The following FAM117B variants were observed in gnomAD, a reference collection of about 807,000 sequenced individuals.
FAM117B encodes family with sequence similarity 117 member B.
A neutral mutation model predicts 52.8 loss-of-function variants in FAM117B; 22 were observed. That is an observed-to-expected ratio of 0.42 (90% CI 0.30 to 0.59). FAM117B has a LOEUF of 0.59. FAM117B is among the 20% of genes least tolerant of loss of function. FAM117B has a pLI of 0.22. For missense variants in FAM117B, 678 were observed against 802.6 expected, an observed-to-expected ratio of 0.84 and a Z score of 1.88; for synonymous variants, 309 against 324.1, an observed-to-expected ratio of 0.95 and a Z score of 0.50.
intron 4 of FAM117B, among the ~76,000 whole-genome samples, chr2:202,740,436 T>G (rs192535169): frequency 1.3e-5 from 2 of 152,050 alleles, no homozygotes; most frequent in East Asian, 3.9e-4. Flanking sequence ...AATATGGCAC[T>G]TTTTAATATA....
At chr2:202,739,634 T>A (rs1691494074) in intron 4 of FAM117B, among the ~76,000 whole-genome samples, 1 of 152,012 alleles carries the variant, frequency 6.6e-6, no homozygotes, top group South Asian at 2.1e-4. Context: ...ATTTAAAATT[T>A]TTTATAGAGA....
chr2:202,638,917 T>TG (rs1689725863), intron 1 of FAM117B, among the ~76,000 whole-genome samples: 1 of 152,242 alleles, frequency 6.6e-6, no homozygotes, highest in African/African-American at 2.4e-5. Flanking sequence ...TTCACTCTAG[T>TG]AAATATCCAT....
At position 202,657,751 on chromosome 2, in the gene FAM117B, T is replaced by G. The variant is rs370192449; in HGVS notation, c.601+21963T>G. On this transcript the variant is annotated intron_variant, in intron 1 of 7. Coordinates refer to ENST00000392238, the MANE Select transcript of FAM117B (RefSeq NM_173511.4). Reference sequence around the variant, plus strand: ...CTCCTGCCTTGGCCTCTCAAAGTACTGGGATTATAGGTGTAAGCCACCTCA... The same window carrying G: ...CTCCTGCCTTGGCCTCTCAAAGTACGGGGATTATAGGTGTAAGCCACCTCA... 1.4e-4 allele frequency among the ~76,000 whole-genome samples: 22 copies of G among 152,334 alleles called. No homozygotes were observed. In the East Asian group the frequency reaches 1.7e-3, roughly 12 times the overall value.
intron 2 of FAM117B, among the ~76,000 whole-genome samples, chr2:202,721,434 CA>C (rs1253460111): frequency 6.6e-6 from 1 of 151,708 alleles, no homozygotes; most frequent in African/African-American, 2.4e-5. Flanking sequence ...TTTTTTTCAT[CA>C]AAAAATATTT....
intron 4 of FAM117B, among the ~76,000 whole-genome samples, chr2:202,750,664 A>G (rs1182624914): frequency 6.6e-6 from 1 of 152,216 alleles, no homozygotes; most frequent in Non-Finnish European, 1.5e-5. Context: ...TATATGTTCT[A>G]GGCTCTGTGC....
chr2:202,687,200 A>G lies in FAM117B; in HGVS notation c.602-8681A>G, dbSNP rs554390056. ...TGAATGAAGTCAGACACAAAACAGT[A>G]TTATGTGATTACATTTGTATGACAC... is the stretch of plus-strand genomic sequence containing the variant. On this transcript the variant is annotated intron_variant, in intron 1 of 7. Coordinates refer to ENST00000392238, the MANE Select transcript of FAM117B (RefSeq NM_173511.4). Among the ~76,000 whole-genome samples the G allele has an allele frequency of 8.4e-4, 128 of 152,366 alleles. 1 individual carries two copies. The highest frequency in any genetic ancestry group is 2.9e-3 in the African/African-American group (122 of 41,596).
chr2:202,753,753 T>TAA lies in FAM117B; in HGVS notation c.961-1773_961-1772dup, dbSNP rs201047413. Among the ~76,000 whole-genome samples, 9 of 135,780 alleles carry TAA rather than the reference T, an allele frequency of 6.6e-5. No individual in the cohort carries two copies. In the South Asian group the frequency reaches 1.1e-3, roughly 17 times the overall value. 89.1% of individuals were successfully genotyped at this position (135,780 alleles called of 152,430 possible). A position where few individuals can be genotyped will look rare whatever the true frequency, so the allele number is the denominator to read the frequency against. On this transcript the variant is annotated intron_variant, in intron 4 of 7. Coordinates refer to ENST00000392238, the MANE Select transcript of FAM117B (RefSeq NM_173511.4). ...GACATTTACACGGCCAACAAACATG[T>TAA]AAAAAAAAAAAAACATGAAAAACTC...
intron 1 of FAM117B, among the ~76,000 whole-genome samples, chr2:202,670,746 G>A (rs1189778056): frequency 2.0e-5 from 3 of 152,084 alleles, no homozygotes; most frequent in Non-Finnish European, 2.9e-5. Flanking sequence ...TTCATTCTGC[G>A]CCCATTTCAG....
At chr2:202,727,804 C>T (rs931523720) in intron 4 of FAM117B, among the ~76,000 whole-genome samples, 1 of 152,058 alleles carries the variant, frequency 6.6e-6, no homozygotes, top group Non-Finnish European at 1.5e-5. Context: ...TACTGTTTGG[C>T]CCTTTACAGA....
chr2:202,750,046 A>G (rs1332895912), intron 4 of FAM117B, among the ~76,000 whole-genome samples: 3 of 152,332 alleles, frequency 2.0e-5, no homozygotes, highest in African/African-American at 7.2e-5. Flanking sequence ...TCTTAAGTGC[A>G]AGATCAAGGT....
chr2:202,680,077 ACAG>A (rs1417441901), intron 1 of FAM117B, among the ~76,000 whole-genome samples: 1 of 152,246 alleles, frequency 6.6e-6, no homozygotes, highest in Non-Finnish European at 1.5e-5. Context: ...ATTGAGGTTA[ACAG>A]CAGACAACAG....
At chr2:202,726,162 T>A in intron 3 of FAM117B, 88 bp from the exon 4 acceptor site, 1 of 812,928 alleles carries the variant, frequency 1.2e-6, no homozygotes, top group Non-Finnish European at 2.0e-6. Context: ...TTATTAAGGG[T>A]AAGTTTTACT....
intron 4 of FAM117B, among the ~76,000 whole-genome samples, chr2:202,752,717 T>A (rs1691744900): frequency 6.6e-6 from 1 of 152,234 alleles, no homozygotes; most frequent in African/African-American, 2.4e-5. Context: ...TCTGGCACAC[T>A]GATGTTACTA....
At chr2:202,701,109 TA>T (rs2105778781) in intron 2 of FAM117B, among the ~76,000 whole-genome samples, 1 of 152,340 alleles carries the variant, frequency 6.6e-6, no homozygotes, top group African/African-American at 2.4e-5. Flanking sequence ...ACTCTCTTGT[TA>T]GGGGCAAATG....
intron 1 of FAM117B, among the ~76,000 whole-genome samples, chr2:202,685,132 G>A (rs1030717805): frequency 6.6e-5 from 10 of 152,032 alleles, no homozygotes; most frequent in Admixed American, 1.3e-4. Flanking sequence ...ACAGGTGCCC[G>A]CTACTATGCC....
chr2:202,707,237 TGCG>T (rs1455065222), intron 2 of FAM117B, among the ~76,000 whole-genome samples: 1 of 150,586 alleles, frequency 6.6e-6, no homozygotes, highest in African/African-American at 2.4e-5. Context: ...TTTGTAGAGA[TGCG>T]GGCCTTACTA....
intron 1 of FAM117B, among the ~76,000 whole-genome samples, chr2:202,686,213 A>T (rs1690535142): frequency 6.6e-6 from 1 of 152,214 alleles, no homozygotes; most frequent in Admixed American, 6.5e-5. Context: ...GCCACGGTGA[A>T]CCATTGCTCA....
Position 202,635,068 on chromosome 2 carries a change from G to A in FAM117B, c.-120G>A. ...CGGCCCGGTCTCCCCCTGCACCCCG[G>A]AGTCCGGCTTCGTCACCCCGTCTTG... On this transcript the variant is annotated 5_prime_UTR_variant, in exon 1 of 8. Transcript: ENST00000392238. 1 of 1,215,066 alleles carries A rather than the reference G, an allele frequency of 8.2e-7. No homozygotes were observed. The highest frequency in any genetic ancestry group is 1.0e-6 in the Non-Finnish European group (1 of 969,366). 75.3% of individuals were successfully genotyped at this position (1,215,066 alleles called of 1,614,324 possible). A position where few individuals can be genotyped will look rare whatever the true frequency, so the allele number is the denominator to read the frequency against.
At chr2:202,688,537 A>G (rs1690577610) in intron 1 of FAM117B, among the ~76,000 whole-genome samples, 1 of 152,172 alleles carries the variant, frequency 6.6e-6, no homozygotes, top group Non-Finnish European at 1.5e-5. Context: ...AACCTCTTTG[A>G]ATTTAAATAT....
Sources: gnomAD v4.1 joint callset for allele counts (sites outside exome capture counted in the v4.1 genomes callset) on GRCh38, gnomAD v4.1.1 for gene constraint, MANE v1.5 for transcripts, NCBI Gene and HGNC (gene_info 2026-07-23, HGNC 2026-07-21) for gene names.